Variants in PAN3 observed in about 807,000 individuals in gnomAD.
PAN3 encodes the protein PAN2-PAN3 deadenylation complex subunit PAN3.
PAN3 carries 19 observed loss-of-function variants against 96.2 expected under a neutral mutation model. That is an observed-to-expected ratio of 0.20 (90% CI 0.14 to 0.29). The LOEUF is 0.29. PAN3 is among the 10% of genes least tolerant of loss of function. The pLI is 1.00. For synonymous variants in PAN3, 433 were observed against 406.6 expected (o/e 1.06, Z -0.78); for missense variants, 882 against 1,108.1 (o/e 0.80, Z 2.90).
chr13:28,186,390 A>C (rs1876470776), intron 4 of PAN3, among the ~76,000 whole-genome samples: 2 of 152,208 alleles, frequency 1.3e-5, no homozygotes, highest in South Asian at 4.1e-4. Context: ...ACCTTCTCTC[A>C]GACTTACTTT....
chr13:28,229,615 G>A (rs1376341302), intron 6 of PAN3, among the ~76,000 whole-genome samples: 1 of 152,144 alleles, frequency 6.6e-6, no homozygotes, highest in Non-Finnish European at 1.5e-5. Context: ...TGAAGGTAAG[G>A]TCTTTCTCTT....
intron 9 of PAN3, among the ~76,000 whole-genome samples, chr13:28,265,630 A>C (rs1467765842): frequency 6.6e-6 from 1 of 152,180 alleles, no homozygotes; most frequent in South Asian, 2.1e-4. Flanking sequence ...ATCATTTTGA[A>C]CCTGTCTTCT....
rs768696158 is a variant in PAN3, at chr13:28,138,934, G to A, written c.277G>A (p.Ala93Thr). The A allele has an allele frequency of 3.0e-6, 4 of 1,345,720 alleles. No homozygotes were observed. The African/African-American group carries it at 6.1e-5, about 20-fold the overall frequency. 83.4% of individuals were successfully genotyped at this position (1,345,720 alleles called of 1,614,324 possible). Residue 93 changes from alanine (A) to threonine (T), a missense_variant, in exon 1 of 19, where the codon GCA becomes ACA. Ala to Thr is a moderately conservative substitution (Grantham distance 58, BLOSUM62 0). Coordinates refer to ENST00000380958, the MANE Select transcript of PAN3 (RefSeq NM_175854.8). ...CAGCGTCCCCCTGGCTCTGGCTGGT[G>A]CACCCGTGGCCGGCTTTCCGCCGGG... is the stretch of plus-strand genomic sequence containing the variant. ...SNSVPLALAGAPVAGFPPGAV... is the reference protein window; with the variant it reads ...SNSVPLALAGTPVAGFPPGAV...
intron 1 of PAN3, among the ~76,000 whole-genome samples, chr13:28,147,686 T>G (rs1241222198): frequency 6.6e-6 from 1 of 152,196 alleles, no homozygotes; most frequent in East Asian, 1.9e-4. Context: ...TGGGAAAAGA[T>G]TAAACCTCAA....
Position 28,292,815 on chromosome 13 carries a change from A to G in PAN3, c.*293A>G, listed in dbSNP as rs1442610223. The G allele has an allele frequency of 5.0e-6, 1 of 200,842 alleles. No individual in the cohort carries two copies. Among genetic ancestry groups the G allele is most frequent in the Admixed American group, 6.0e-5 (1 of 16,666 alleles). The allele number at this position is 200,842 out of a possible 1,614,324, so 12.4% of individuals were successfully genotyped here. On this transcript the variant is annotated 3_prime_UTR_variant, in exon 19 of 19. Coordinates refer to ENST00000380958, the MANE Select transcript of PAN3 (RefSeq NM_175854.8). Reference sequence around the variant, plus strand: ...GTTTTTTCCACTTGTATATGCACTAATTTTAATTTTTTAAAGACTTTTTCT... The same window carrying G: ...GTTTTTTCCACTTGTATATGCACTAGTTTTAATTTTTTAAAGACTTTTTCT...
intron 5 of PAN3, chr13:28,215,666 G>T: frequency 6.9e-7 from 1 of 1,456,824 alleles, no homozygotes; most frequent in South Asian, 1.2e-5. Flanking sequence ...TTGGTAATAA[G>T]CTGGAAGATG....
At chr13:28,276,288 G>A (rs953591979) in intron 14 of PAN3, among the ~76,000 whole-genome samples, 7 of 152,190 alleles carry the variant, frequency 4.6e-5, no homozygotes, top group African/African-American at 9.7e-5. Context: ...GTAAATGAAC[G>A]TGTGTCTAAT....
chr13:28,257,642 G>A (rs893611659), intron 7 of PAN3, among the ~76,000 whole-genome samples: 3 of 139,482 alleles, frequency 2.2e-5, no homozygotes, highest in Non-Finnish European at 4.6e-5. Context: ...TAAATATATT[G>A]TAAAATACAT....
intron 17 of PAN3, among the ~76,000 whole-genome samples, chr13:28,282,588 C>T (rs1868421292): frequency 6.6e-6 from 1 of 152,194 alleles, no homozygotes. Flanking sequence ...TCCCTACACA[C>T]GTGCACGCAC....
At chr13:28,228,152 T>A (rs535461397) in intron 6 of PAN3, among the ~76,000 whole-genome samples, 95 of 152,324 alleles carry the variant, frequency 6.2e-4, no homozygotes, top group African/African-American at 2.2e-3. Flanking sequence ...TGAATAAATT[T>A]ACTGTTCTGT....
intron 1 of PAN3, among the ~76,000 whole-genome samples, chr13:28,166,022 C>T (rs1873495222): frequency 6.6e-6 from 1 of 152,182 alleles, no homozygotes; most frequent in African/African-American, 2.4e-5. Flanking sequence ...TTGCATTCTG[C>T]CCCGATCCCT....
In PAN3 at chr13:28,293,913, G is replaced by A. The variant is rs901249812; in HGVS notation, c.*1391G>A. 1 of 152,622 alleles carries A rather than the reference G, an allele frequency of 6.6e-6. No individual in the cohort carries two copies. Among genetic ancestry groups the A allele is most frequent in the African/African-American group, 2.4e-5 (1 of 41,452 alleles). The allele number at this position is 152,622 out of a possible 1,614,324, so 9.5% of individuals were successfully genotyped here. A position where few individuals can be genotyped will look rare whatever the true frequency, so the allele number is the denominator to read the frequency against. On this transcript the variant is annotated 3_prime_UTR_variant, in exon 19 of 19. Coordinates refer to ENST00000380958, the MANE Select transcript of PAN3 (RefSeq NM_175854.8). ...TGCTCACCATGCAACTGAAGAAAATGTGGAAACTCAAAAGGTCAGGACAGA... is the reference window on the plus strand; with the variant it reads ...TGCTCACCATGCAACTGAAGAAAATATGGAAACTCAAAAGGTCAGGACAGA...
At chr13:28,229,487 A>G (rs1006098074) in intron 6 of PAN3, among the ~76,000 whole-genome samples, 1 of 152,222 alleles carries the variant, frequency 6.6e-6, no homozygotes, top group African/African-American at 2.4e-5. Context: ...TTGAACCAGA[A>G]TACACTGACT....
chr13:28,272,156 A>G, intron 14 of PAN3, 85 bp downstream of exon 14: 1 of 977,628 alleles, frequency 1.0e-6, no homozygotes, highest in Non-Finnish European at 1.5e-6. Context: ...CAGTGTTTTA[A>G]GCCTAGATTT....
chr13:28,248,317 G>A (rs1341507549), intron 6 of PAN3, among the ~76,000 whole-genome samples: 9 of 151,982 alleles, frequency 5.9e-5, no homozygotes, highest in Admixed American at 5.9e-4. Flanking sequence ...ACAGTTTTTG[G>A]GTGGAGTCTT....
Position 28,211,314 on chromosome 13 carries a change from C to T in PAN3, c.853-8917C>T, listed in dbSNP as rs936583914. Among the ~76,000 whole-genome samples, 3 of 152,148 alleles carry T rather than the reference C, an allele frequency of 2.0e-5. No individual in the cohort carries two copies. In the South Asian group the frequency reaches 6.2e-4, roughly 31 times the overall value. ...CTCTCTTCTGCTTTTCCAGATAATT[C>T]ACTGCTCATTGCTGTTGCCTAGTCA... On this transcript the variant is annotated intron_variant, in intron 5 of 18. Transcript: ENST00000380958.
chr13:28,215,956 G>T, intron 5 of PAN3: 2 of 988,008 alleles, frequency 2.0e-6, no homozygotes, highest in African/African-American at 1.6e-5. Context: ...ATGGTCTCAG[G>T]ACTGTTAGTT....
At chr13:28,192,215 G>A (rs1328007688) in intron 4 of PAN3, among the ~76,000 whole-genome samples, 1 of 151,834 alleles carries the variant, frequency 6.6e-6, no homozygotes. Context: ...GATTACAGGC[G>A]CCTGCCACCA....
intron 18 of PAN3, among the ~76,000 whole-genome samples, chr13:28,290,434 C>T (rs956501814): frequency 1.3e-5 from 2 of 152,180 alleles, no homozygotes; most frequent in Non-Finnish European, 2.9e-5. Context: ...GTAATCCCAG[C>T]ACTTTGGGAG....
Sources: allele counts gnomAD v4.1 joint callset (sites outside exome capture counted in the v4.1 genomes callset), GRCh38; gene constraint gnomAD v4.1.1; transcripts MANE v1.5; gene names NCBI Gene and HGNC (gene_info 2026-07-23, HGNC 2026-07-21).